Variants in MTPN observed in about 807,000 individuals in gnomAD.
MTPN encodes the protein myotrophin, also known as granule cell differentiation protein.
Under a neutral mutation model 13.5 loss-of-function variants are expected in MTPN, and 2 were observed. That is an observed-to-expected ratio of 0.15 (90% CI 0.06 to 0.47). The LOEUF (loss-of-function observed/expected upper bound fraction) is 0.47, where lower values mean the gene tolerates loss of function less well. MTPN is among the 20% of genes least tolerant of loss of function. The pLI is 0.97. For missense variants in MTPN, 79 were observed against 137.9 expected, an observed-to-expected ratio of 0.57 and a Z score of 2.14; for synonymous variants, 46 against 51.7, an observed-to-expected ratio of 0.89 and a Z score of 0.48.
chr7:135,961,521 AC>A (rs1271007045), intron 1 of MTPN, among the ~76,000 whole-genome samples: 1 of 151,200 alleles, frequency 6.6e-6, no homozygotes, highest in East Asian at 1.9e-4. Context: ...TGAGATATAT[AC>A]CTTTTTTTTT....
intron 3 of MTPN, among the ~76,000 whole-genome samples, chr7:135,938,377 G>C (rs1022070302): frequency 6.6e-6 from 1 of 152,188 alleles, no homozygotes; most frequent in Non-Finnish European, 1.5e-5. Flanking sequence ...ACTTTGGAAA[G>C]AAAGCAATTT....
intron 3 of MTPN, 135 bp downstream of exon 3, chr7:135,950,464 C>T: frequency 9.7e-6 from 7 of 721,704 alleles, no homozygotes; most frequent in East Asian, 2.5e-5. Flanking sequence ...TTTTGAGTAA[C>T]ACTACACTTC....
At chr7:135,933,545 T>A (rs958531019) in intron 3 of MTPN, among the ~76,000 whole-genome samples, 10 of 152,236 alleles carry the variant, frequency 6.6e-5, no homozygotes, top group African/African-American at 1.9e-4. Flanking sequence ...ACTGTGTTTT[T>A]ATCAATTCTT....
At chr7:135,970,495 T>G (rs1329754415) in intron 1 of MTPN, among the ~76,000 whole-genome samples, 2 of 152,176 alleles carry the variant, frequency 1.3e-5, no homozygotes, top group African/African-American at 4.8e-5. Flanking sequence ...CCTAATCAAT[T>G]TTATATTTTA....
Position 135,977,340 on chromosome 7 carries a change from A to G in MTPN, c.-240T>C, listed in dbSNP as rs1300823791. The G allele has an allele frequency of 3.5e-6, 2 of 563,484 alleles. No homozygotes were observed. The highest frequency in any genetic ancestry group is 6.4e-6 in the Non-Finnish European group (2 of 314,164). 34.9% of individuals were successfully genotyped at this position (563,484 alleles called of 1,614,324 possible). On this transcript the variant is annotated 5_prime_UTR_variant, in exon 1 of 4. Transcript: ENST00000393085. ...AGAGAGGTTCCGCCTGGCCGAGGAG[A>G]GGCAGGAACCTTTACACTTCCGGTT...
intron 1 of MTPN, among the ~76,000 whole-genome samples, chr7:135,970,027 T>G (rs542252163): frequency 1.1e-3 from 162 of 152,284 alleles, no homozygotes; most frequent in Non-Finnish European, 2.0e-3. Flanking sequence ...AATGCAGATA[T>G]AGTCTCAAAA....
At position 135,929,755 on chromosome 7, in the gene MTPN, A is replaced by C. The variant is rs1011983159; in HGVS notation, c.*171T>G. 2.3e-5 allele frequency: 15 copies of C among 662,530 alleles called. No individual in the cohort carries two copies. The highest frequency in any genetic ancestry group is 3.7e-5 in the African/African-American group (2 of 54,722). The allele number at this position is 662,530 out of a possible 1,614,324, so 41.0% of individuals were successfully genotyped here. A position where few individuals can be genotyped will look rare whatever the true frequency, so the allele number is the denominator to read the frequency against. ...TCATGGTTCCTTTTGCCCCTCCTCC[A>C]AAACAATTTTTTTTTTCTGGTAGTC... On this transcript the variant is annotated 3_prime_UTR_variant, in exon 4 of 4. Coordinates refer to ENST00000393085, the MANE Select transcript of MTPN (RefSeq NM_145808.4).
At chr7:135,969,238 TAAAA>T (rs57871609) in intron 1 of MTPN, among the ~76,000 whole-genome samples, 4 of 109,110 alleles carry the variant, frequency 3.7e-5, no homozygotes, top group Admixed American at 9.8e-5. Flanking sequence ...TAAAGTATAA[TAAAA>T]AAAAAAAAAA....
chr7:135,950,567 G>A (rs568539584), intron 3 of MTPN, 32 bp downstream of exon 3: 1 of 1,519,370 alleles, frequency 6.6e-7, no homozygotes, highest in South Asian at 1.2e-5. Context: ...CACAGTAATA[G>A]AAAAAGCAAT....
At chr7:135,938,740 GT>G (rs1009749113) in intron 3 of MTPN, among the ~76,000 whole-genome samples, 5 of 152,122 alleles carry the variant, frequency 3.3e-5, no homozygotes, top group African/African-American at 1.2e-4. Context: ...ACTAACAACA[GT>G]AACATCTGAC....
At chr7:135,956,419 T>C (rs1458401153) in intron 1 of MTPN, among the ~76,000 whole-genome samples, 2 of 152,180 alleles carry the variant, frequency 1.3e-5, no homozygotes, top group Non-Finnish European at 2.9e-5. Flanking sequence ...TATTAACACG[T>C]TCCTTAGCTC....
At chr7:135,944,082 G>A (rs149023412) in intron 3 of MTPN, among the ~76,000 whole-genome samples, 122 of 152,210 alleles carry the variant, frequency 8.0e-4, no homozygotes, top group African/African-American at 2.6e-3. Flanking sequence ...TATATACCAT[G>A]TAAGGCATGG....
chr7:135,970,621 T>A (rs1034290017), intron 1 of MTPN, among the ~76,000 whole-genome samples: 1 of 152,136 alleles, frequency 6.6e-6, no homozygotes, highest in African/African-American at 2.4e-5. Flanking sequence ...CTATCAGTTT[T>A]AATTCATTAA....
intron 3 of MTPN, among the ~76,000 whole-genome samples, chr7:135,934,375 C>T (rs957357274): frequency 6.6e-6 from 1 of 152,158 alleles, no homozygotes; most frequent in Non-Finnish European, 1.5e-5. Context: ...GGAGCTGGCT[C>T]GTCCTACAGC....
intron 3 of MTPN, among the ~76,000 whole-genome samples, chr7:135,942,050 AT>A (rs1263194650): frequency 4.7e-5 from 7 of 148,374 alleles, no homozygotes; most frequent in Non-Finnish European, 4.5e-5. Flanking sequence ...CGCCCGGCTA[AT>A]TTTTTTTTTG....
chr7:135,962,156 A>G (rs1799533938), intron 1 of MTPN, among the ~76,000 whole-genome samples: 1 of 152,042 alleles, frequency 6.6e-6, no homozygotes, highest in Non-Finnish European at 1.5e-5. Flanking sequence ...GAAAACTTCA[A>G]TACATTCTGA....
At chr7:135,967,971 G>C (rs151067515) in intron 1 of MTPN, among the ~76,000 whole-genome samples, 33 of 152,108 alleles carry the variant, frequency 2.2e-4, no homozygotes, top group African/African-American at 7.9e-4. Flanking sequence ...ATTTTTTTGT[G>C]GTTGAGATGG....
At chr7:135,958,454 T>C (rs1238371075) in intron 1 of MTPN, among the ~76,000 whole-genome samples, 7 of 152,284 alleles carry the variant, frequency 4.6e-5, no homozygotes, top group Non-Finnish European at 1.5e-5. Context: ...AATCTCAGTG[T>C]TGGAAGGGGC....
At chr7:135,963,108 G>A (rs1463396296) in intron 1 of MTPN, among the ~76,000 whole-genome samples, 2 of 152,038 alleles carry the variant, frequency 1.3e-5, no homozygotes, top group African/African-American at 4.8e-5. Flanking sequence ...AGCAGCAAAA[G>A]TATTAAATTT....
Sources: gnomAD v4.1 joint callset for allele counts (sites outside exome capture counted in the v4.1 genomes callset) on GRCh38, gnomAD v4.1.1 for gene constraint, MANE v1.5 for transcripts, NCBI Gene and HGNC (gene_info 2026-07-23, HGNC 2026-07-21) for gene names.